Variants in CORIN observed in about 807,000 individuals in gnomAD.
CORIN encodes corin, serine peptidase.
CORIN carries 117 observed loss-of-function variants against 125.3 expected under a neutral mutation model. The ratio of observed to expected loss-of-function variants is 0.93; its 90% CI spans 0.80 to 1.09. CORIN has a LOEUF of 1.09. CORIN is among the 50% of genes least tolerant of loss of function. The pLI is 0.00. For missense variants in CORIN, 1,253 were observed against 1,306.7 expected (o/e 0.96, Z 0.63); for synonymous variants, 450 against 466.4 (o/e 0.96, Z 0.45).
rs529030325 is a variant in CORIN, at chr4:47,732,498, T to C, written c.799+11904A>G. On this transcript the variant is annotated intron_variant, in intron 5 of 21. Transcript: ENST00000273857. ...TAATTCTAAACCATATGTTGTACAC[T>C]AGTTCCCAGATTTTCCCATGGGATT... is the stretch of plus-strand genomic sequence containing the variant. 1.2e-4 allele frequency among the ~76,000 whole-genome samples: 18 copies of C among 152,036 alleles called. 1 individual carries two copies. In the South Asian group the frequency reaches 3.3e-3, roughly 28 times the overall value.
intron 1 of CORIN, among the ~76,000 whole-genome samples, chr4:47,820,456 C>T (rs1732459529): frequency 6.6e-6 from 1 of 151,870 alleles, no homozygotes; most frequent in Non-Finnish European, 1.5e-5. Flanking sequence ...CTCCACTTAG[C>T]CCAAGGAAAG....
chr4:47,695,000 C>T lies in CORIN; in HGVS notation c.800-1917G>A, dbSNP rs529637962. On this transcript the variant is annotated intron_variant, in intron 5 of 21. Coordinates refer to ENST00000273857, the MANE Select transcript of CORIN (RefSeq NM_006587.4). Reference sequence around the variant, plus strand: ...CTTCACAATATCAACAACAAAAGCCCAGTTTTCCATTATAGTCCATAATTT... The same window carrying T: ...CTTCACAATATCAACAACAAAAGCCTAGTTTTCCATTATAGTCCATAATTT... Among the ~76,000 whole-genome samples the T allele has an allele frequency of 1.1e-4, 16 of 152,262 alleles. No homozygotes were observed. In the South Asian group the frequency reaches 2.7e-3, roughly 26 times the overall value.
At position 47,603,686 on chromosome 4, in the gene CORIN, G is replaced by C. The variant is rs747604102; in HGVS notation, c.2541-18C>G. 4 of 1,605,610 alleles carry C rather than the reference G, an allele frequency of 2.5e-6. No homozygotes were observed. Among genetic ancestry groups the C allele is most frequent in the Non-Finnish European group, 3.4e-6 (4 of 1,173,426 alleles). On this transcript the variant is annotated intron_variant, in intron 19 of 21. Transcript: ENST00000273857. ...TCTCTCTCCTAAAATTATAATTCAAGAGCTATTGGCATCTTAAACTCTAGT... is the reference window on the plus strand; with the variant it reads ...TCTCTCTCCTAAAATTATAATTCAACAGCTATTGGCATCTTAAACTCTAGT...
chr4:47,821,512 A>G (rs1732513798), intron 1 of CORIN, among the ~76,000 whole-genome samples: 1 of 151,896 alleles, frequency 6.6e-6, no homozygotes. Flanking sequence ...CTGAATGTTT[A>G]ATATTTATGA....
intron 3 of CORIN, among the ~76,000 whole-genome samples, chr4:47,778,706 A>C (rs1730401742): frequency 6.6e-6 from 1 of 152,222 alleles, no homozygotes; most frequent in Non-Finnish European, 1.5e-5. Flanking sequence ...TCTGAATCTC[A>C]TAATTGTTCT....
chr4:47,825,154 G>A (rs1732686232), intron 1 of CORIN, among the ~76,000 whole-genome samples: 1 of 152,188 alleles, frequency 6.6e-6, no homozygotes, highest in African/African-American at 2.4e-5. Context: ...AAGCAAGAGA[G>A]GCTGTGTGCG....
At chr4:47,760,426 A>C (rs2109865469) in intron 4 of CORIN, among the ~76,000 whole-genome samples, 1 of 152,104 alleles carries the variant, frequency 6.6e-6, no homozygotes, top group East Asian at 1.9e-4. Flanking sequence ...TTCTCCATTG[A>C]GTGTTCTTGG....
intron 10 of CORIN, among the ~76,000 whole-genome samples, chr4:47,667,960 C>T (rs537078608): frequency 6.6e-6 from 1 of 152,028 alleles, no homozygotes; most frequent in Non-Finnish European, 1.5e-5. Context: ...AGGGTACAGC[C>T]CCCAAGAATG....
intron 3 of CORIN, among the ~76,000 whole-genome samples, chr4:47,785,400 C>G (rs894906865): frequency 6.6e-6 from 1 of 152,200 alleles, no homozygotes; most frequent in Admixed American, 6.5e-5. Context: ...ACTCACCACG[C>G]CCCATGTCCA....
chr4:47,715,645 C>G (rs1322598848), intron 5 of CORIN, among the ~76,000 whole-genome samples: 1 of 152,044 alleles, frequency 6.6e-6, no homozygotes, highest in Non-Finnish European at 1.5e-5. Context: ...GAATAATCTA[C>G]CAGAAATAAG....
At chr4:47,814,386 T>C (rs1474842472) in intron 1 of CORIN, among the ~76,000 whole-genome samples, 1 of 152,202 alleles carries the variant, frequency 6.6e-6, no homozygotes, top group Non-Finnish European at 1.5e-5. Flanking sequence ...TTTTCAGTCA[T>C]AGAGATGGAG....
chr4:47,614,708 G>A (rs577470961), intron 19 of CORIN, among the ~76,000 whole-genome samples: 1 of 152,274 alleles, frequency 6.6e-6, no homozygotes, highest in Non-Finnish European at 1.5e-5. Flanking sequence ...CCTACATACT[G>A]AAATGACTAC....
intron 1 of CORIN, among the ~76,000 whole-genome samples, chr4:47,833,421 A>G (rs1375312310): frequency 1.3e-5 from 2 of 152,096 alleles, no homozygotes; most frequent in Admixed American, 6.5e-5. Context: ...AGACTTAACC[A>G]TAAGACCTGA....
intron 3 of CORIN, among the ~76,000 whole-genome samples, chr4:47,766,664 G>C (rs907090337): frequency 6.6e-6 from 1 of 152,036 alleles, no homozygotes; most frequent in African/African-American, 2.4e-5. Flanking sequence ...AGAAAACAAA[G>C]GCCGGGCGCA....
At position 47,706,383 on chromosome 4, in the gene CORIN, C is replaced by T. The variant is rs1050711596; in HGVS notation, c.800-13300G>A. On this transcript the variant is annotated intron_variant, in intron 5 of 21. Coordinates refer to ENST00000273857, the MANE Select transcript of CORIN (RefSeq NM_006587.4). ...TCAGGTAAGCCAAGATGGGTGCATA[C>T]AAGTATATCCAGGAGCTATGGAGAA... The T allele has an allele frequency of 3.7e-6, 6 of 1,606,488 alleles. No individual in the cohort carries two copies. The African/African-American group carries it at 6.7e-5, about 18-fold the overall frequency.
intron 6 of CORIN, among the ~76,000 whole-genome samples, chr4:47,686,217 A>C (rs560946028): frequency 6.6e-6 from 1 of 152,006 alleles, no homozygotes; most frequent in East Asian, 1.9e-4. Flanking sequence ...ACATCATTTT[A>C]GGAATGGAAT....
At chr4:47,692,233 C>A (rs1465873542) in intron 6 of CORIN, among the ~76,000 whole-genome samples, 2 of 152,184 alleles carry the variant, frequency 1.3e-5, no homozygotes, top group Non-Finnish European at 2.9e-5. Flanking sequence ...ATGTAGTGTT[C>A]TAATTGGAGA....
chr4:47,676,567 G>A (rs1393788602), intron 9 of CORIN, among the ~76,000 whole-genome samples: 1 of 152,174 alleles, frequency 6.6e-6, no homozygotes, highest in Non-Finnish European at 1.5e-5. Flanking sequence ...TGTCCCCCAG[G>A]AGTCTGCAAG....
At chr4:47,774,013 T>A (rs1226720757) in intron 3 of CORIN, among the ~76,000 whole-genome samples, 1 of 152,154 alleles carries the variant, frequency 6.6e-6, no homozygotes, top group Non-Finnish European at 1.5e-5. Flanking sequence ...AGTTTCTACT[T>A]GATTCAAAAC....
Sources: gnomAD v4.1 joint callset for allele counts (sites outside exome capture counted in the v4.1 genomes callset) on GRCh38, gnomAD v4.1.1 for gene constraint, MANE v1.5 for transcripts, NCBI Gene and HGNC (gene_info 2026-07-23, HGNC 2026-07-21) for gene names.